Variants in PGD observed in about 807,000 individuals in gnomAD.
PGD encodes the protein 6-phosphogluconate dehydrogenase, decarboxylating.
PGD carries 21 observed loss-of-function variants against 60.4 expected under a neutral mutation model. That is an observed-to-expected ratio of 0.35 (90% CI 0.25 to 0.50). The LOEUF (loss-of-function observed/expected upper bound fraction) is 0.50. Ranked by LOEUF, PGD falls within the 20% of genes least tolerant of loss-of-function variation. The pLI is 0.98. For missense variants in PGD, 477 were observed against 613.1 expected, an observed-to-expected ratio of 0.78 and a Z score of 2.34; for synonymous variants, 230 against 235.9, an observed-to-expected ratio of 0.97 and a Z score of 0.23.
At chr1:10,406,080 C>T (rs562873026) in intron 5 of PGD, among the ~76,000 whole-genome samples, 15 of 152,228 alleles carry the variant, frequency 9.9e-5, no homozygotes, top group African/African-American at 3.6e-4. Flanking sequence ...GTCTTGATCC[C>T]CTGATCTCGT....
In PGD at chr1:10,419,613, A is replaced by C. The variant is rs1639655915; in HGVS notation, c.1333-17A>C. The stretch of plus-strand genomic sequence containing the variant: ...CGCCATGGACTGTCCTGACCAACCT[A>C]CTCTCTCGTTTCCTAGGCTCAGCGG... On this transcript the variant is annotated splice_polypyrimidine_tract_variant and intron_variant, in intron 12 of 12. Coordinates refer to ENST00000270776, the MANE Select transcript of PGD (RefSeq NM_002631.4). 1 of 1,613,638 alleles carries C rather than the reference A, an allele frequency of 6.2e-7. No homozygotes were observed. Among genetic ancestry groups the C allele is most frequent in the South Asian group, 1.1e-5 (1 of 91,066 alleles).
chr1:10,419,438 A>G lies in PGD; in HGVS notation c.1231A>G (p.Ser411Gly), dbSNP rs1027747438. Reference protein sequence around the residue: ...NCQDSWRRAVSTGVQAGIPMP... With the variant: ...NCQDSWRRAVGTGVQAGIPMP... ...TCAGGACTCCTGGCGGCGGGCAGTC[A>G]GCACTGGGGTCCAGGCTGGCATTCC... The change falls in exon 12 of 13, where the codon AGC (serine) becomes GGC (glycine). Residue 411 changes from serine to glycine, a missense_variant. By Grantham distance (56) the Ser-to-Gly change is moderately conservative. Coordinates refer to ENST00000270776, the MANE Select transcript of PGD (RefSeq NM_002631.4). The G allele has an allele frequency of 1.2e-6, 2 of 1,613,986 alleles. No homozygotes were observed. The highest frequency in any genetic ancestry group is 1.7e-6 in the Non-Finnish European group (2 of 1,180,000).
At chr1:10,406,402 G>T (rs1639405222) in intron 5 of PGD, among the ~76,000 whole-genome samples, 1 of 152,008 alleles carries the variant, frequency 6.6e-6, no homozygotes, top group Non-Finnish European at 1.5e-5. Flanking sequence ...AAAAAAAAAG[G>T]TTTGAAAATA....
rs1639616887 is a variant in PGD, at chr1:10,417,481, A to T, written c.1081A>T (p.Met361Leu). 1 of 1,613,514 alleles carries T rather than the reference A, an allele frequency of 6.2e-7. No homozygotes were observed. Among genetic ancestry groups the T allele is most frequent in the Non-Finnish European group, 8.5e-7 (1 of 1,179,794 alleles). The change falls in exon 10 of 13, where the codon ATG becomes TTG. Residue 361 changes from methionine to leucine, a missense_variant. Physicochemically the swap from Met to Leu is conservative, Grantham distance 15 (BLOSUM62 2). Coordinates refer to ENST00000270776, the MANE Select transcript of PGD (RefSeq NM_002631.4). ...WTLNYGGIAL[M>L]WRGGCIIRSV... ...TCTCAATTATGGTGGCATCGCCCTGATGTGGAGAGGGGGCTGCATCATTAG... is the reference window on the plus strand; with the variant it reads ...TCTCAATTATGGTGGCATCGCCCTGTTGTGGAGAGGGGGCTGCATCATTAG...
chr1:10,399,949 T>C lies in PGD; in HGVS notation c.84+245T>C, dbSNP rs969889826. On this transcript the variant is annotated intron_variant, in intron 2 of 12. Transcript: ENST00000270776. The stretch of plus-strand genomic sequence containing the variant: ...CACAGCCCGAATGAACGAATTAGTG[T>C]CTTAAGTAGAGAAGAAGGGTGCGGG... 4 of 576,590 alleles carry C rather than the reference T, an allele frequency of 6.9e-6. No individual in the cohort carries two copies. In the African/African-American group the frequency reaches 7.5e-5, roughly 11 times the overall value. The allele number at this position is 576,590 out of a possible 1,614,324, so 35.7% of individuals were successfully genotyped here.
chr1:10,410,376 G>T (rs1000521546), intron 6 of PGD, among the ~76,000 whole-genome samples: 1 of 151,876 alleles, frequency 6.6e-6, no homozygotes, highest in Non-Finnish European at 1.5e-5. Flanking sequence ...CAGGAGGCAG[G>T]TGTTGTGCTG....
At position 10,400,554 on chromosome 1, in the gene PGD, T is replaced by G. The variant is rs1639298006; in HGVS notation, c.246T>G (p.Asp82Glu). 2 of 1,613,638 alleles carry G rather than the reference T, an allele frequency of 1.2e-6. No homozygotes were observed. Among genetic ancestry groups the G allele is most frequent in the Non-Finnish European group, 1.7e-6 (2 of 1,179,822 alleles). The change falls in exon 3 of 13, where the codon GAT becomes GAG. Residue 82 changes from aspartate (D) to glutamate (E), a missense_variant. Around this residue, in one of 3 missense-constraint regions of PGD, gnomAD observed 431 missense variants for 556.6 expected, o/e 0.77. Transcript: ENST00000270776. ...TGGTGAAGGCTGGGCAAGCTGTGGA[T>G]GATTTCATCGAGAAATTGGTGAGGC... Reference protein sequence around the residue: ...ILLVKAGQAVDDFIEKLVPLL... With the variant: ...ILLVKAGQAVEDFIEKLVPLL...
intron 6 of PGD, among the ~76,000 whole-genome samples, chr1:10,409,456 G>C (rs1431704319): frequency 6.6e-6 from 1 of 152,072 alleles, no homozygotes; most frequent in Non-Finnish European, 1.5e-5. Flanking sequence ...GTAGATTACT[G>C]CGGTAAAAGG....
At chr1:10,411,696 A>G (rs1639503856) in intron 7 of PGD, 144 bp downstream of exon 7, 2 of 843,668 alleles carry the variant, frequency 2.4e-6, no homozygotes, top group East Asian at 5.3e-5. Flanking sequence ...AACTGTTAGT[A>G]ATAGGCCTAT....
intron 8 of PGD, 128 bp downstream of exon 8, chr1:10,413,379 T>C: frequency 2.7e-6 from 2 of 745,212 alleles, no homozygotes; most frequent in Non-Finnish European, 4.3e-6. Context: ...CCTTTTGCTC[T>C]TTCTTGCGTT....
At chr1:10,400,253 C>T (rs1181408694) in intron 2 of PGD, 140 bp from the exon 3 acceptor site, 4 of 635,298 alleles carry the variant, frequency 6.3e-6, no homozygotes, top group East Asian at 5.5e-5. Flanking sequence ...GTGAGCCTCC[C>T]ACAGCTGGGG....
At chr1:10,406,684 T>C (rs1428289407) in intron 5 of PGD, among the ~76,000 whole-genome samples, 1 of 152,188 alleles carries the variant, frequency 6.6e-6, no homozygotes, top group Admixed American at 6.5e-5. Flanking sequence ...AGAAACTTTT[T>C]GTGAGGAAGC....
rs970380454 is a variant in PGD, at chr1:10,406,556, C to T, written c.450-1515C>T. Among the ~76,000 whole-genome samples, 14 of 152,280 alleles carry T rather than the reference C, an allele frequency of 9.2e-5. No individual in the cohort carries two copies. In the East Asian group the frequency reaches 2.7e-3, roughly 29 times the overall value. On this transcript the variant is annotated intron_variant, in intron 5 of 12. Transcript: ENST00000270776. ...TGTGGTGGCAGAAGTACAAATGGCA[C>T]CTTTACCAGAAGGACACTGTAAAAG...
At chr1:10,418,215 G>T (rs1335284875) in intron 10 of PGD, among the ~76,000 whole-genome samples, 1 of 152,206 alleles carries the variant, frequency 6.6e-6, no homozygotes, top group Admixed American at 6.5e-5. Flanking sequence ...TGAAGTAGAT[G>T]ATTCTGGTGA....
Position 10,400,079 on chromosome 1 carries a change from G to C in PGD, c.85-314G>C. The C allele has an allele frequency of 8.6e-6, 4 of 464,544 alleles. No individual in the cohort carries two copies. The South Asian group carries it at 9.0e-5, about 10-fold the overall frequency. The allele number at this position is 464,544 out of a possible 1,614,324, so 28.8% of individuals were successfully genotyped here. On this transcript the variant is annotated intron_variant, in intron 2 of 12. Transcript: ENST00000270776. ...AATGTTAAAGTGGCTTAGACGCCAGGATGATCAATAACAACAGATAGAGCC... is the reference window on the plus strand; with the variant it reads ...AATGTTAAAGTGGCTTAGACGCCAGCATGATCAATAACAACAGATAGAGCC...
chr1:10,405,397 A>ATAC (rs1553173885), intron 5 of PGD, among the ~76,000 whole-genome samples: 2 of 65,942 alleles, frequency 3.0e-5, no homozygotes, highest in Non-Finnish European at 6.4e-5. Context: ...AAACAAACAA[A>ATAC]AAATACACAC....
chr1:10,405,941 C>A (rs890696123), intron 5 of PGD, among the ~76,000 whole-genome samples: 1 of 152,140 alleles, frequency 6.6e-6, no homozygotes, highest in East Asian at 1.9e-4. Context: ...GCAAGCCCCA[C>A]CTGCCAGGTT....
chr1:10,406,939 G>GA (rs1441078560), intron 5 of PGD, among the ~76,000 whole-genome samples: 1 of 152,172 alleles, frequency 6.6e-6, no homozygotes, highest in Non-Finnish European at 1.5e-5. Context: ...AAAGAAAAGG[G>GA]AAAAAATTAA....
intron 3 of PGD, among the ~76,000 whole-genome samples, chr1:10,400,908 A>G (rs1053652954): frequency 1.4e-4 from 21 of 152,138 alleles, no homozygotes; most frequent in Non-Finnish European, 4.4e-5. Context: ...CCTGGGCAAC[A>G]TGGCGAAACC....
Sources: allele counts gnomAD v4.1 joint callset (sites outside exome capture counted in the v4.1 genomes callset), GRCh38; gene constraint gnomAD v4.1.1; regional missense constraint gnomAD v4.1.1; transcripts MANE v1.5; gene names NCBI Gene and HGNC (gene_info 2026-07-23, HGNC 2026-07-21).